The following SHANK1 variants were observed in gnomAD, a reference collection of about 807,000 sequenced individuals.
SHANK1 encodes the protein SH3 and multiple ankyrin repeat domains 1.
SHANK1 carries 35 observed loss-of-function variants against 165.6 expected under a neutral mutation model. The ratio of observed to expected loss-of-function variants is 0.21; its 90% CI spans 0.16 to 0.28. The LOEUF is 0.28. Among genes scored for constraint, SHANK1 ranks in the 10% least tolerant of loss-of-function variants. SHANK1 has a pLI of 1.00. For missense variants in SHANK1, 2,681 were observed against 3,036.4 expected, an observed-to-expected ratio of 0.88 and a Z score of 2.75; for synonymous variants, 1,428 against 1,384.8, an observed-to-expected ratio of 1.03 and a Z score of -0.69.
intron 8 of SHANK1, among the ~76,000 whole-genome samples, chr19:50,704,730 C>T (rs574014406): frequency 6.6e-6 from 1 of 152,312 alleles, no homozygotes; most frequent in South Asian, 2.1e-4. Context: ...ATGCGAACTA[C>T]ACACTGGATT....
At position 50,662,796 on chromosome 19, in the gene SHANK1, A is replaced by AGGGGGAGAGAC; in HGVS notation, c.5769-125_5769-115dup. 1 of 1,021,544 alleles carries AGGGGGAGAGAC rather than the reference A, an allele frequency of 9.8e-7. No individual in the cohort carries two copies. The highest frequency in any genetic ancestry group is 1.4e-6 in the Non-Finnish European group (1 of 696,294). 63.3% of individuals were successfully genotyped at this position (1,021,544 alleles called of 1,614,324 possible). ...GAGAGAGGAGGAGAGACATAAGGGT[A>AGGGGGAGAGAC]GGGGGAGAGACGGAGGAGAGACGGG... On this transcript the variant is annotated intron_variant, in intron 23 of 23. Coordinates refer to ENST00000293441, the MANE Select transcript of SHANK1 (RefSeq NM_016148.5). This position sits in a 1 kb window ranked among gnomAD's most constrained non-coding sequence, Gnocchi z 7.7.
intron 21 of SHANK1, among the ~76,000 whole-genome samples, chr19:50,684,634 A>G (rs539131115): frequency 6.6e-6 from 1 of 152,310 alleles, no homozygotes; most frequent in South Asian, 2.1e-4. Flanking sequence ...CTATGTCTTC[A>G]TTTTCATCAT....
chr19:50,660,647 T>C lies in SHANK1; in HGVS notation c.*1318A>G, dbSNP rs913733032. 7.1e-6 allele frequency among the ~76,000 whole-genome samples: 1 copy of C among 140,624 alleles called. No homozygotes were observed. The highest frequency in any genetic ancestry group is 7.4e-5 in the Admixed American group (1 of 13,552). 92.3% of individuals were successfully genotyped at this position (140,624 alleles called of 152,430 possible). A position where few individuals can be genotyped will look rare whatever the true frequency, so the allele number is the denominator to read the frequency against. The stretch of plus-strand genomic sequence containing the variant: ...TCCAGGTAGAAAAGACAAGATGCGG[T>C]GTGCAGCCATGTCATGGTGCGCAAG... On this transcript the variant is annotated 3_prime_UTR_variant, in exon 24 of 24. Coordinates refer to ENST00000293441, the MANE Select transcript of SHANK1 (RefSeq NM_016148.5).
rs1396104391 is a variant in SHANK1, at chr19:50,694,019, C to A, written c.1964+3077G>T. ...TGGGACAGACCCACTCCAGCACACA[C>A]CACACACACACACACACACACACAC... On this transcript the variant is annotated intron_variant, in intron 15 of 23. Coordinates refer to ENST00000293441, the MANE Select transcript of SHANK1 (RefSeq NM_016148.5). 1.1e-4 allele frequency among the ~76,000 whole-genome samples: 15 copies of A among 138,686 alleles called. No homozygotes were observed. The East Asian group carries it at 3.1e-3, about 29-fold the overall frequency. The allele number at this position is 138,686 out of a possible 152,430, so 91.0% of individuals were successfully genotyped here.
At chr19:50,663,743 GAAAAAAA>G (rs570620815) in intron 23 of SHANK1, among the ~76,000 whole-genome samples, 1 of 112,994 alleles carries the variant, frequency 8.9e-6, no homozygotes. Flanking sequence ...ACAAGCAGTG[GAAAAAAA>G]AAAAAAGAAA....
At position 50,716,354 on chromosome 19, in the gene SHANK1, C is replaced by T. The variant is rs539761857; in HGVS notation, c.380G>A (p.Arg127His). Reference sequence around the variant, plus strand: ...CTCCTCCTCCAGGAAGTTGGCATCGCGGCCGGAGGTGGCCGGTTGGAACAG... The same window carrying T: ...CTCCTCCTCCAGGAAGTTGGCATCGTGGCCGGAGGTGGCCGGTTGGAACAG... ...YGLFQPATSG[R>H]DANFLEEERL... is the part of the protein sequence containing the mutation. Residue 127 changes from arginine (R) to histidine (H), a missense_variant, in exon 3 of 24, where the codon CGC becomes CAC. Arg to His is a conservative substitution (Grantham distance 29). Transcript: ENST00000293441. This position sits in a 1 kb window ranked among gnomAD's most constrained non-coding sequence, Gnocchi z 8.4. 12 of 1,614,198 alleles carry T rather than the reference C, an allele frequency of 7.4e-6. No homozygotes were observed. Among genetic ancestry groups the T allele is most frequent in the Middle Eastern group, 3.3e-4 (2 of 6,060 alleles).
At position 50,667,594 on chromosome 19, in the gene SHANK1, C is replaced by T. The variant is rs1467738460; in HGVS notation, c.4366G>A (p.Gly1456Arg). ...HRLPPTAPGV[G>R]PLLLQLGTEP... is the part of the protein sequence containing the mutation. ...GTCCCCAGCTGCAGCAGGAGGGGCC[C>T]CACCCCGGGAGCGGTGGGCGGCAGG... Residue 1456 changes from glycine to arginine, a missense_variant, in exon 23 of 24, where the codon GGG (glycine) becomes AGG (arginine). By Grantham distance (125) the Gly-to-Arg change is moderately radical. This residue lies in a region of SHANK1 where 1,713 missense variants were observed against 1,630.2 expected (regional missense o/e 1.05). Coordinates refer to ENST00000293441, the MANE Select transcript of SHANK1 (RefSeq NM_016148.5). This position sits in a 1 kb window ranked among gnomAD's most constrained non-coding sequence, Gnocchi z 5.7. 3.1e-5 allele frequency: 44 copies of T among 1,436,120 alleles called. No individual in the cohort carries two copies. The highest frequency in any genetic ancestry group is 3.6e-5 in the Non-Finnish European group (40 of 1,106,466). 89.0% of individuals were successfully genotyped at this position (1,436,120 alleles called of 1,614,324 possible). A position where few individuals can be genotyped will look rare whatever the true frequency, so the allele number is the denominator to read the frequency against.
Position 50,660,750 on chromosome 19 carries a change from A to G in SHANK1, c.*1215T>C, listed in dbSNP as rs1047848798. On this transcript the variant is annotated 3_prime_UTR_variant, in exon 24 of 24. Coordinates refer to ENST00000293441, the MANE Select transcript of SHANK1 (RefSeq NM_016148.5). The stretch of plus-strand genomic sequence containing the variant: ...GGGGGGGGGCGCGTGTGCAAAAGCA[A>G]GTGTGCAAGAGGGTTCACAAAAGAA... 2.1e-5 allele frequency among the ~76,000 whole-genome samples: 3 copies of G among 144,908 alleles called. No homozygotes were observed. The East Asian group carries it at 6.0e-4, about 29-fold the overall frequency.
rs1481918747 is a variant in SHANK1, at chr19:50,702,510, T to C, written c.1704A>G (p.Gln568=). The C allele has an allele frequency of 1.2e-6, 2 of 1,613,344 alleles. No homozygotes were observed. The change falls in exon 12 of 24, where the codon CAA becomes CAG. Residue 568 remains glutamine (Q), a synonymous_variant. Coordinates refer to ENST00000293441, the MANE Select transcript of SHANK1 (RefSeq NM_016148.5). This position sits in a 1 kb window ranked among gnomAD's most constrained non-coding sequence, Gnocchi z 5.3. ...TGCTCAGGGAGATCTCCCCCTCGGC[T>C]TGGGCCTGGTAGGACTTCACAGCCA... ...SFMAVKSYQA[Q]AEGEISLSKG...
At position 50,716,603 on chromosome 19, in the gene SHANK1, A is replaced by G; in HGVS notation, c.255+62T>C. ...CTGGGAGGATACCCAGCACCAGTGG[A>G]CTCCCCATGTCGGTTGGGGCACTGT... is the stretch of plus-strand genomic sequence containing the variant. On this transcript the variant is annotated intron_variant, in intron 2 of 23. Transcript: ENST00000293441. The surrounding 1 kb of genome is among the most constrained non-coding windows in gnomAD (Gnocchi z 8.4). The G allele has an allele frequency of 6.4e-7, 1 of 1,552,556 alleles. No homozygotes were observed. The highest frequency in any genetic ancestry group is 8.7e-7 in the Non-Finnish European group (1 of 1,144,956).
Position 50,666,795 on chromosome 19 carries a change from G to A in SHANK1, c.5165C>T (p.Pro1722Leu), listed in dbSNP as rs767866540. ...GGCCACATAGGTGTCCAGAAGCTCC[G>A]GCCCACTGGCCACACCGGCCCCAGC... ...GGAGAGVASGPELLDTYVAYL... is the reference protein window; with the variant it reads ...GGAGAGVASGLELLDTYVAYL... Residue 1722 changes from proline to leucine, a missense_variant, in exon 23 of 24, where the codon CCG (proline) becomes CTG (leucine). By Grantham distance (98) the Pro-to-Leu change is moderately conservative. Coordinates refer to ENST00000293441, the MANE Select transcript of SHANK1 (RefSeq NM_016148.5). 3.9e-5 allele frequency: 60 copies of A among 1,550,132 alleles called. No homozygotes were observed. The highest frequency in any genetic ancestry group is 5.1e-5 in the Non-Finnish European group (58 of 1,147,928).
chr19:50,707,105 G>A (rs1261479048), intron 8 of SHANK1, among the ~76,000 whole-genome samples: 1 of 152,148 alleles, frequency 6.6e-6, no homozygotes, highest in Admixed American at 6.6e-5. Flanking sequence ...GTACCACACT[G>A]ATGTATGTGC....
Position 50,716,745 on chromosome 19 carries a change from C to T in SHANK1, c.175G>A (p.Gly59Ser). Residue 59 changes from glycine (G) to serine (S), a missense_variant, in exon 2 of 24, where the codon GGC becomes AGC. Physicochemically the swap from Gly to Ser is moderately conservative, Grantham distance 56 (BLOSUM62 0). Around this residue, in one of 10 missense-constraint regions of SHANK1, gnomAD observed 118 missense variants for 106.9 expected, o/e 1.10. Transcript: ENST00000293441. This position sits in a 1 kb window ranked among gnomAD's most constrained non-coding sequence, Gnocchi z 8.4. ...TCGTCTGGGACGGACATTGAGCGGCCCTGGAGGCCTCTAACAGAGGCCAGG... is the reference window on the plus strand; with the variant it reads ...TCGTCTGGGACGGACATTGAGCGGCTCTGGAGGCCTCTAACAGAGGCCAGG... ...GSLASVRGLQGRSMSVPDDAH... is the reference protein window; with the variant it reads ...GSLASVRGLQSRSMSVPDDAH... 6.2e-7 allele frequency: 1 copy of T among 1,609,566 alleles called. No individual in the cohort carries two copies. Among genetic ancestry groups the T allele is most frequent in the Non-Finnish European group, 8.5e-7 (1 of 1,178,012 alleles).
intron 16 of SHANK1, 107 bp downstream of exon 16, chr19:50,689,089 TG>T: frequency 1.9e-6 from 2 of 1,079,540 alleles, no homozygotes; most frequent in South Asian, 1.3e-5. Context: ...CACCCCGGGG[TG>T]GGGTGGTGGG....
Position 50,686,870 on chromosome 19 carries a change from G to A in SHANK1, c.2390-58C>T, listed in dbSNP as rs1237399404. The A allele has an allele frequency of 6.2e-7, 1 of 1,600,600 alleles. No homozygotes were observed. The highest frequency in any genetic ancestry group is 8.5e-7 in the Non-Finnish European group (1 of 1,170,584). ...AGCCCCCGGGGGCGGGGCGGAGCGG[G>A]CTCGGCCTGTGGGCGTGGCCAGCAG... On this transcript the variant is annotated intron_variant, in intron 19 of 23. Coordinates refer to ENST00000293441, the MANE Select transcript of SHANK1 (RefSeq NM_016148.5). This position sits in a 1 kb window ranked among gnomAD's most constrained non-coding sequence, Gnocchi z 5.7.
chr19:50,704,665 G>A lies in SHANK1; in HGVS notation c.1078-151C>T, dbSNP rs972808255. The A allele has an allele frequency of 6.4e-5, 44 of 688,098 alleles. No individual in the cohort carries two copies. The East Asian group carries it at 8.5e-4, about 13-fold the overall frequency. 42.6% of individuals were successfully genotyped at this position (688,098 alleles called of 1,614,324 possible). A position where few individuals can be genotyped will look rare whatever the true frequency, so the allele number is the denominator to read the frequency against. On this transcript the variant is annotated intron_variant, in intron 8 of 23. Coordinates refer to ENST00000293441, the MANE Select transcript of SHANK1 (RefSeq NM_016148.5). ...AGGACAGCAGCCACCTGCCAGGTAC[G>A]GACCAGGAGCACTTTAGTTTAAACG...
In SHANK1 at chr19:50,667,495, G is replaced by T; in HGVS notation, c.4465C>A (p.Pro1489Thr). 6.5e-7 allele frequency: 1 copy of T among 1,527,030 alleles called. No homozygotes were observed. 94.6% of individuals were successfully genotyped at this position (1,527,030 alleles called of 1,614,324 possible). ...SAAPEEPERL[P>T]LHVRFLENCQ... ...TTTTCAAGGAACCGCACGTGCAGCG[G>T]CAGCCGCTCGGGTTCTTCGGGGGCT... Residue 1489 changes from proline to threonine, a missense_variant, in exon 23 of 24, where the codon CCG becomes ACG. Pro to Thr is a conservative substitution (Grantham distance 38). This residue lies in a region of SHANK1 where 1,713 missense variants were observed against 1,630.2 expected (regional missense o/e 1.05). Transcript: ENST00000293441. The surrounding 1 kb of genome is among the most constrained non-coding windows in gnomAD (Gnocchi z 5.7).
In SHANK1 at chr19:50,661,876, G is replaced by C; in HGVS notation, c.*89C>G. 3 of 1,441,260 alleles carry C rather than the reference G, an allele frequency of 2.1e-6. No homozygotes were observed. Among genetic ancestry groups the C allele is most frequent in the Non-Finnish European group, 2.9e-6 (3 of 1,037,618 alleles). 89.3% of individuals were successfully genotyped at this position (1,441,260 alleles called of 1,614,324 possible). A position where few individuals can be genotyped will look rare whatever the true frequency, so the allele number is the denominator to read the frequency against. On this transcript the variant is annotated 3_prime_UTR_variant, in exon 24 of 24. Coordinates refer to ENST00000293441, the MANE Select transcript of SHANK1 (RefSeq NM_016148.5). ...GCAGTTTGAACAGAGTCCCTGGCCC[G>C]GGGAGAGAATGACAGTCAGGGGTCA...
chr19:50,690,636 C>T lies in SHANK1; in HGVS notation c.1965-1357G>A, dbSNP rs1207870664. ...AACATCCATGTGGCCCTAATACACT[C>T]CAATCATAGCCAAGCATGCTCCCCA... On this transcript the variant is annotated intron_variant, in intron 15 of 23. Coordinates refer to ENST00000293441, the MANE Select transcript of SHANK1 (RefSeq NM_016148.5). This position sits in a 1 kb window ranked among gnomAD's most constrained non-coding sequence, Gnocchi z 4.9. 6.6e-6 allele frequency among the ~76,000 whole-genome samples: 1 copy of T among 152,110 alleles called. No homozygotes were observed. Among genetic ancestry groups the T allele is most frequent in the Non-Finnish European group, 1.5e-5 (1 of 68,020 alleles).
Sources: gnomAD v4.1 joint callset for allele counts (sites outside exome capture counted in the v4.1 genomes callset) on GRCh38, gnomAD v4.1.1 for gene constraint, gnomAD v4.1.1 regional missense constraint, Gnocchi (gnomAD v3.1) non-coding constraint, MANE v1.5 for transcripts, NCBI Gene and HGNC (gene_info 2026-07-23, HGNC 2026-07-21) for gene names.